ADAMTS2: variants seen among roughly 807,000 people sequenced by gnomAD.
The protein encoded by ADAMTS2 is A disintegrin and metalloproteinase with thrombospondin motifs 2.
In ADAMTS2, 50 loss-of-function variants were observed where a neutral mutation model predicts 123.0. The observed-to-expected ratio is 0.41, with a 90% confidence interval of 0.32 to 0.51. The LOEUF is 0.51. Ranked by LOEUF, ADAMTS2 falls within the 20% of genes least tolerant of loss-of-function variation. ADAMTS2 has a pLI of 0.35. For missense variants in ADAMTS2, 1,494 were observed against 1,705.2 expected (o/e 0.88, Z 2.18); for synonymous variants, 678 against 695.4 (o/e 0.98, Z 0.39).
chr5:179,157,257 C>A (rs1763491314), intron 6 of ADAMTS2, among the ~76,000 whole-genome samples: 1 of 152,130 alleles, frequency 6.6e-6, no homozygotes, highest in Non-Finnish European at 1.5e-5. Context: ...GCCAATTTCA[C>A]ATTTTTAAAT....
chr5:179,239,584 T>C (rs1765614032), intron 3 of ADAMTS2, among the ~76,000 whole-genome samples: 1 of 151,720 alleles, frequency 6.6e-6, no homozygotes. Context: ...ACAGAGAGCA[T>C]GGAAGGTGGA....
intron 2 of ADAMTS2, among the ~76,000 whole-genome samples, chr5:179,310,383 C>T (rs531710949): frequency 3.4e-4 from 52 of 152,356 alleles, no homozygotes; most frequent in Non-Finnish European, 2.9e-4. Flanking sequence ...GAGGCATCTA[C>T]AAGCCTTTCC....
intron 5 of ADAMTS2, among the ~76,000 whole-genome samples, chr5:179,173,821 G>T (rs534502981): frequency 7.2e-5 from 11 of 152,134 alleles, no homozygotes; most frequent in Non-Finnish European, 1.5e-4. Context: ...AGACCAGCCT[G>T]GCCAACCTGG....
At position 179,307,992 on chromosome 5, in the gene ADAMTS2, G is replaced by A. The variant is rs571505724; in HGVS notation, c.535-34928C>T. On this transcript the variant is annotated intron_variant, in intron 2 of 21. Transcript: ENST00000251582. The surrounding 1 kb of genome is among the most constrained non-coding windows in gnomAD (Gnocchi z 5.6). The stretch of plus-strand genomic sequence containing the variant: ...TTGCTGGGTCCACGTCACCAGACCA[G>A]TGCCTGGCATCTCACAGGCATGGAG... Among the ~76,000 whole-genome samples the A allele has an allele frequency of 2.6e-5, 4 of 152,326 alleles. No individual in the cohort carries two copies. In the South Asian group the frequency reaches 8.3e-4, roughly 32 times the overall value.
intron 11 of ADAMTS2, among the ~76,000 whole-genome samples, chr5:179,138,872 C>T (rs1161639150): frequency 6.6e-6 from 1 of 152,214 alleles, no homozygotes; most frequent in Non-Finnish European, 1.5e-5. Context: ...GGAGCGGCCG[C>T]AGAGGCCGGA....
intron 9 of ADAMTS2, 32 bp downstream of exon 9, chr5:179,153,459 G>T (rs1400218505): frequency 6.2e-7 from 1 of 1,603,600 alleles, no homozygotes; most frequent in Non-Finnish European, 8.5e-7. Context: ...CCCAGACCTG[G>T]GAGGGTCCCG....
rs765713597 is a variant in ADAMTS2, at chr5:179,158,656, C to A, written c.1132+67G>T. ...CTGGGCTGGGCCAAGGCTCCCGGGG[C>A]CCCTTGCATGGCCAGGGGCTCATTT... On this transcript the variant is annotated intron_variant, in intron 6 of 21. Coordinates refer to ENST00000251582, the MANE Select transcript of ADAMTS2 (RefSeq NM_014244.5). The surrounding 1 kb of genome is among the most constrained non-coding windows in gnomAD (Gnocchi z 5.0). The A allele has an allele frequency of 1.4e-5, 23 of 1,609,752 alleles. No individual in the cohort carries two copies. The highest frequency in any genetic ancestry group is 3.3e-5 in the Admixed American group (2 of 59,982).
At chr5:179,230,331 C>T (rs1765379593) in intron 3 of ADAMTS2, among the ~76,000 whole-genome samples, 1 of 152,154 alleles carries the variant, frequency 6.6e-6, no homozygotes, top group Non-Finnish European at 1.5e-5. Flanking sequence ...TTCCTGAGTG[C>T]CTACCTGGCC....
chr5:179,174,367 T>C (rs1321072277), intron 5 of ADAMTS2, among the ~76,000 whole-genome samples: 1 of 152,176 alleles, frequency 6.6e-6, no homozygotes, highest in Non-Finnish European at 1.5e-5. Flanking sequence ...TGCCTTTTCA[T>C]TGTGTTTTTT....
At chr5:179,304,257 C>CA (rs1756611037) in intron 2 of ADAMTS2, among the ~76,000 whole-genome samples, 1 of 152,106 alleles carries the variant, frequency 6.6e-6, no homozygotes. Flanking sequence ...AAACAAGATC[C>CA]AAAGTCTCAT....
chr5:179,243,563 G>A (rs965348987), intron 3 of ADAMTS2, among the ~76,000 whole-genome samples: 3 of 152,158 alleles, frequency 2.0e-5, no homozygotes, highest in East Asian at 1.9e-4. Context: ...ACTGCAAACA[G>A]CCTCAGAGAT....
Position 179,272,792 on chromosome 5 carries a change from G to A in ADAMTS2, c.688+119C>T. 2 of 1,328,762 alleles carry A rather than the reference G, an allele frequency of 1.5e-6. No individual in the cohort carries two copies. The highest frequency in any genetic ancestry group is 2.0e-6 in the Non-Finnish European group (2 of 977,658). 82.3% of individuals were successfully genotyped at this position (1,328,762 alleles called of 1,614,324 possible). A position where few individuals can be genotyped will look rare whatever the true frequency, so the allele number is the denominator to read the frequency against. ...CCATTTCTGAGCCACTGAGACCGGGGCTCAGCCTCAGCAGCCAAGCTGGTC... is the reference window on the plus strand; with the variant it reads ...CCATTTCTGAGCCACTGAGACCGGGACTCAGCCTCAGCAGCCAAGCTGGTC... On this transcript the variant is annotated intron_variant, in intron 3 of 21. Coordinates refer to ENST00000251582, the MANE Select transcript of ADAMTS2 (RefSeq NM_014244.5). This position sits in a 1 kb window ranked among gnomAD's most constrained non-coding sequence, Gnocchi z 5.8.
rs1554100057 is a variant in ADAMTS2, at chr5:179,345,258, G to GGCAGGAGCGGCGGCGGCA, written c.70_71insTGCCGCCGCCGCTCCTGC (p.Leu23_Pro24insLeuProProProLeuLeu). 7 of 1,136,334 alleles carry GGCAGGAGCGGCGGCGGCA rather than the reference G, an allele frequency of 6.2e-6. No homozygotes were observed. The African/African-American group carries it at 6.8e-5, about 11-fold the overall frequency. The allele number at this position is 1,136,334 out of a possible 1,614,324, so 70.4% of individuals were successfully genotyped here. ...CGGCGGCGGCGGCAGGAGCGGCGGC[G>GGCAGGAGCGGCGGCGGCA]GCAGCAGCAGCAGCAGCAGCAGCAG... On this transcript the variant is annotated inframe_insertion, in exon 1 of 22. Transcript: ENST00000251582. The surrounding 1 kb of genome is among the most constrained non-coding windows in gnomAD (Gnocchi z 7.5).
At chr5:179,165,159 A>G (rs1763672710) in intron 5 of ADAMTS2, among the ~76,000 whole-genome samples, 1 of 152,120 alleles carries the variant, frequency 6.6e-6, no homozygotes. Flanking sequence ...CAGCGGGACC[A>G]CCTGCTGGGA....
At chr5:179,329,567 A>C (rs1370968310) in intron 2 of ADAMTS2, among the ~76,000 whole-genome samples, 2 of 152,198 alleles carry the variant, frequency 1.3e-5, no homozygotes, top group East Asian at 3.8e-4. Context: ...ATATTTAAAA[A>C]TCAAGTCAGG....
intron 2 of ADAMTS2, among the ~76,000 whole-genome samples, chr5:179,274,442 GCT>G (rs1426665447): frequency 1.3e-5 from 2 of 152,246 alleles, no homozygotes; most frequent in African/African-American, 4.8e-5. Flanking sequence ...CGACACTCCA[GCT>G]TAGCTGGCGC....
At chr5:179,211,896 G>A (rs1009669284) in intron 3 of ADAMTS2, among the ~76,000 whole-genome samples, 2 of 152,162 alleles carry the variant, frequency 1.3e-5, no homozygotes, top group Non-Finnish European at 2.9e-5. Context: ...AGGTGGAGGC[G>A]TGTCACCATC....
chr5:179,297,880 A>G (rs1440260729), intron 2 of ADAMTS2, among the ~76,000 whole-genome samples: 2 of 152,192 alleles, frequency 1.3e-5, no homozygotes, highest in Admixed American at 1.3e-4. Context: ...ATCCTGAACA[A>G]GAAGACTCTG....
At position 179,343,809 on chromosome 5, in the gene ADAMTS2, T is replaced by C. The variant is rs1581299393; in HGVS notation, c.492A>G (p.Leu164=). The part of the protein sequence containing the change: ...SCLYVGDVAG[L]AEASSVALSN... ...TGAGCGCCACAGAGGAGGCTTCGGC[T>C]AGGCCGGCCACGTCTCCGACGTAGA... The change falls in exon 2 of 22, where the codon CTA becomes CTG. Residue 164 remains leucine, a synonymous_variant. Coordinates refer to ENST00000251582, the MANE Select transcript of ADAMTS2 (RefSeq NM_014244.5). 6.2e-7 allele frequency: 1 copy of C among 1,611,340 alleles called. No homozygotes were observed. Among genetic ancestry groups the C allele is most frequent in the Non-Finnish European group, 8.5e-7 (1 of 1,179,538 alleles).
Sources: gnomAD v4.1 joint callset for allele counts (sites outside exome capture counted in the v4.1 genomes callset) on GRCh38, gnomAD v4.1.1 for gene constraint, Gnocchi (gnomAD v3.1) non-coding constraint, MANE v1.5 for transcripts, NCBI Gene and HGNC (gene_info 2026-07-23, HGNC 2026-07-21) for gene names.